Variants in SPOCK1 observed in about 807,000 individuals in gnomAD.
SPOCK1 encodes testican-1.
SPOCK1 carries 23 observed loss-of-function variants against 55.3 expected under a neutral mutation model. The observed-to-expected ratio is 0.42, with a 90% CI of 0.30 to 0.59. The LOEUF is 0.59. Ranked by LOEUF, SPOCK1 falls within the 20% of genes least tolerant of loss-of-function variation. SPOCK1 has a pLI of 0.22. For synonymous variants in SPOCK1, 226 were observed against 221.0 expected (o/e 1.02, Z -0.20); for missense variants, 499 against 552.5 (o/e 0.90, Z 0.97).
At chr5:137,063,236 T>A in intron 6 of SPOCK1, among the ~76,000 whole-genome samples, 1 of 93,682 alleles carries the variant, frequency 1.1e-5, no homozygotes, top group Admixed American at 1.1e-4. Context: ...CGAGACTCCA[T>A]CTCAAAAAAA....
At chr5:137,257,755 C>A (rs959246578) in intron 3 of SPOCK1, among the ~76,000 whole-genome samples, 3 of 152,204 alleles carry the variant, frequency 2.0e-5, no homozygotes, top group Admixed American at 6.5e-5. Context: ...CAGGTCACCT[C>A]TTCTAGGATC....
intron 9 of SPOCK1, among the ~76,000 whole-genome samples, chr5:136,983,563 C>CTCAA (rs1166238340): frequency 2.0e-5 from 3 of 148,166 alleles, no homozygotes; most frequent in Non-Finnish European, 3.0e-5. Flanking sequence ...TGAACAGATT[C>CTCAA]TCAATCAAGG....
intron 4 of SPOCK1, among the ~76,000 whole-genome samples, chr5:137,128,398 C>A (rs1239917259): frequency 1.3e-5 from 2 of 152,190 alleles, no homozygotes; most frequent in African/African-American, 4.8e-5. Context: ...ATCCTGAAAA[C>A]CTCTGTGAGA....
At chr5:137,350,850 C>T (rs1379845112) in intron 2 of SPOCK1, among the ~76,000 whole-genome samples, 3 of 151,880 alleles carry the variant, frequency 2.0e-5, no homozygotes, top group African/African-American at 7.3e-5. Flanking sequence ...TGTAATGTAG[C>T]ATCAAAGTGG....
At chr5:137,304,416 A>G (rs1311441661) in intron 2 of SPOCK1, among the ~76,000 whole-genome samples, 2 of 152,224 alleles carry the variant, frequency 1.3e-5, no homozygotes, top group African/African-American at 4.8e-5. Flanking sequence ...GAAGGCCCTC[A>G]AATGAAGGGC....
intron 2 of SPOCK1, 30 bp downstream of exon 2, chr5:137,498,343 C>T (rs746247494): frequency 5.7e-5 from 89 of 1,549,442 alleles, no homozygotes; most frequent in African/African-American, 7.0e-5. Context: ...GGCTCCGCGC[C>T]CCCCAGGGCC....
chr5:136,979,878 C>T (rs1206965826), intron 9 of SPOCK1, among the ~76,000 whole-genome samples: 2 of 152,176 alleles, frequency 1.3e-5, no homozygotes, highest in Non-Finnish European at 2.9e-5. Flanking sequence ...CCCAAGGCAT[C>T]TGCTAGTAAA....
Position 137,408,494 on chromosome 5 carries a change from T to G in SPOCK1, c.186+89879A>C, listed in dbSNP as rs963453869. 2.0e-5 allele frequency among the ~76,000 whole-genome samples: 3 copies of G among 152,202 alleles called. No individual in the cohort carries two copies. The South Asian group carries it at 6.2e-4, about 31-fold the overall frequency. Reference sequence around the variant, plus strand: ...AGCATGCAATACCTCCTAAGTGCCCTTGAAACACATCAGTTCTTGCCCTCC... The same window carrying G: ...AGCATGCAATACCTCCTAAGTGCCCGTGAAACACATCAGTTCTTGCCCTCC... On this transcript the variant is annotated intron_variant, in intron 2 of 10. Transcript: ENST00000394945.
chr5:136,988,213 A>G (rs1229029093), intron 8 of SPOCK1, among the ~76,000 whole-genome samples: 4 of 152,220 alleles, frequency 2.6e-5, no homozygotes, highest in Admixed American at 6.5e-5. Flanking sequence ...GTAACTGACT[A>G]CTTGATTTAT....
chr5:137,363,843 C>A (rs1440077847), intron 2 of SPOCK1, among the ~76,000 whole-genome samples: 1 of 152,244 alleles, frequency 6.6e-6, no homozygotes, highest in Non-Finnish European at 1.5e-5. Flanking sequence ...TCCTGCAGAA[C>A]CAGCCTGGGC....
At chr5:137,060,719 G>A (rs13357984) in intron 6 of SPOCK1, among the ~76,000 whole-genome samples, 30,103 of 151,888 alleles carry the variant, frequency 0.2, 4,679 homozygotes, top group African/African-American at 0.42. Context: ...CCTCTATCCC[G>A]TTCACTGAAC....
chr5:137,271,907 CTGA>C (rs1756972273), intron 2 of SPOCK1, among the ~76,000 whole-genome samples: 1 of 152,206 alleles, frequency 6.6e-6, no homozygotes, highest in African/African-American at 2.4e-5. Flanking sequence ...GCCGTTTCAT[CTGA>C]TGATTACCTG....
chr5:137,470,511 T>C (rs1172569055), intron 2 of SPOCK1, among the ~76,000 whole-genome samples: 1 of 152,054 alleles, frequency 6.6e-6, no homozygotes, highest in African/African-American at 2.4e-5. Flanking sequence ...TACAGGGACA[T>C]CTGGAAAGGC....
At chr5:136,996,824 G>A (rs1200254674) in intron 6 of SPOCK1, among the ~76,000 whole-genome samples, 2 of 152,116 alleles carry the variant, frequency 1.3e-5, no homozygotes, top group Non-Finnish European at 2.9e-5. Flanking sequence ...GAACATGGGA[G>A]GGGACAAATA....
intron 2 of SPOCK1, among the ~76,000 whole-genome samples, chr5:137,395,891 C>T (rs1194272041): frequency 6.6e-6 from 1 of 152,210 alleles, no homozygotes; most frequent in African/African-American, 2.4e-5. Flanking sequence ...CAAGGTCATT[C>T]ACTTAGTTTC....
intron 4 of SPOCK1, 62 bp downstream of exon 4, chr5:137,140,518 C>T: frequency 7.1e-7 from 1 of 1,402,326 alleles, no homozygotes; most frequent in Non-Finnish European, 9.8e-7. Flanking sequence ...AGACTGGAAA[C>T]CCTCAGATCT....
At chr5:137,099,404 T>C (rs1181582433) in intron 5 of SPOCK1, among the ~76,000 whole-genome samples, 1 of 152,160 alleles carries the variant, frequency 6.6e-6, no homozygotes, top group African/African-American at 2.4e-5. Context: ...GTCTGTGTCC[T>C]ATATATGTCT....
At chr5:137,139,528 T>C (rs1754051952) in intron 4 of SPOCK1, among the ~76,000 whole-genome samples, 1 of 151,636 alleles carries the variant, frequency 6.6e-6, no homozygotes. Flanking sequence ...TGGTCCCAGC[T>C]CAAGCTGGAG....
At chr5:137,466,379 C>G (rs952923573) in intron 2 of SPOCK1, among the ~76,000 whole-genome samples, 1 of 152,178 alleles carries the variant, frequency 6.6e-6, no homozygotes, top group Non-Finnish European at 1.5e-5. Context: ...CTTAAAGAGA[C>G]AGGGTCCAAG....
Sources: allele counts gnomAD v4.1 joint callset (sites outside exome capture counted in the v4.1 genomes callset), GRCh38; gene constraint gnomAD v4.1.1; transcripts MANE v1.5; gene names NCBI Gene and HGNC (gene_info 2026-07-23, HGNC 2026-07-21).